NR5A2: variants seen among roughly 807,000 people sequenced by gnomAD.
The protein encoded by NR5A2 is nuclear receptor subfamily 5 group A member 2, also known as CYP7A promoter-binding factor.
NR5A2 carries 26 observed loss-of-function variants against 62.7 expected under a neutral mutation model. That is an observed-to-expected ratio of 0.41 (90% CI 0.30 to 0.58). The LOEUF (loss-of-function observed/expected upper bound fraction) is 0.58. NR5A2 is among the 20% of genes least tolerant of loss of function. The pLI, the probability that NR5A2 is intolerant of heterozygous loss-of-function variation, is 0.22. For synonymous variants in NR5A2, 246 were observed against 241.7 expected (o/e 1.02, Z -0.16); for missense variants, 541 against 669.1 (o/e 0.81, Z 2.11).
At chr1:200,068,813 T>TAGG (rs368918474) in intron 5 of NR5A2, among the ~76,000 whole-genome samples, 3 of 152,190 alleles carry the variant, frequency 2.0e-5, no homozygotes, top group South Asian at 2.1e-4. Context: ...TCATTTGGGC[T>TAGG]AGGAGGAGGT....
chr1:200,080,184 C>T (rs941453969), intron 5 of NR5A2, among the ~76,000 whole-genome samples: 33 of 152,074 alleles, frequency 2.2e-4, no homozygotes, highest in African/African-American at 7.7e-4. Flanking sequence ...TCAGGCAATG[C>T]TACCAAGAAA....
At chr1:200,144,272 G>C (rs375940418) in intron 7 of NR5A2, among the ~76,000 whole-genome samples, 455 of 121,464 alleles carry the variant, frequency 3.7e-3, no homozygotes, top group Middle Eastern at 0.034. Flanking sequence ...CACACACACA[G>C]AACAACACTC....
In NR5A2 at chr1:200,108,600, A is replaced by C. The variant is rs547023976; in HGVS notation, c.1111-2602A>C. On this transcript the variant is annotated intron_variant, in intron 5 of 7. Coordinates refer to ENST00000367362, the MANE Select transcript of NR5A2 (RefSeq NM_205860.3). ...TTGATGCAACATTAACATGTATGGTAATTGTTTCTGGGGAGCCAATTTCAA... is the reference window on the plus strand; with the variant it reads ...TTGATGCAACATTAACATGTATGGTCATTGTTTCTGGGGAGCCAATTTCAA... Among the ~76,000 whole-genome samples the C allele has an allele frequency of 1.5e-3, 235 of 152,282 alleles. 14 individuals are homozygous for C. Among genetic ancestry groups the C allele is most frequent in the Non-Finnish European group, 1.2e-3 (81 of 67,972 alleles).
chr1:200,048,531 G>A lies in NR5A2; in HGVS notation c.823G>A (p.Asp275Asn). ...PSRAIKSEYP[D>N]PYTSSPESIM... ...CCGGGCCATCAAGTCTGAGTACCCAGACCCCTATACCAGCTCACCCGAGTC... is the reference window on the plus strand; with the variant it reads ...CCGGGCCATCAAGTCTGAGTACCCAAACCCCTATACCAGCTCACCCGAGTC... Residue 275 changes from aspartate (D) to asparagine (N), a missense_variant, in exon 5 of 8, where the codon GAC becomes AAC. This residue lies in a region of NR5A2 where 379 missense variants were observed against 442.0 expected (regional missense o/e 0.86). Coordinates refer to ENST00000367362, the MANE Select transcript of NR5A2 (RefSeq NM_205860.3). This position sits in a 1 kb window ranked among gnomAD's most constrained non-coding sequence, Gnocchi z 4.8. 1 of 1,614,130 alleles carries A rather than the reference G, an allele frequency of 6.2e-7. No homozygotes were observed. Among genetic ancestry groups the A allele is most frequent in the Non-Finnish European group, 8.5e-7 (1 of 1,180,032 alleles).
At chr1:200,088,225 GTTGTTT>G (rs1664648292) in intron 5 of NR5A2, among the ~76,000 whole-genome samples, 1 of 149,388 alleles carries the variant, frequency 6.7e-6, no homozygotes, top group South Asian at 2.1e-4. Context: ...TTTTGTTGTT[GTTGTTT>G]TTGTTTTTGT....
chr1:200,117,175 T>A (rs893013036), intron 6 of NR5A2, among the ~76,000 whole-genome samples: 1 of 152,136 alleles, frequency 6.6e-6, no homozygotes, highest in Non-Finnish European at 1.5e-5. Flanking sequence ...GAGCAAAAAA[T>A]TAATTTTACT....
intron 7 of NR5A2, among the ~76,000 whole-genome samples, chr1:200,140,561 A>G (rs987938523): frequency 2.6e-5 from 4 of 152,104 alleles, no homozygotes; most frequent in Non-Finnish European, 5.9e-5. Context: ...TAAGCAGCAG[A>G]TGTCTATATT....
At chr1:200,101,416 G>T (rs1451542027) in intron 5 of NR5A2, among the ~76,000 whole-genome samples, 1 of 152,172 alleles carries the variant, frequency 6.6e-6, no homozygotes, top group Non-Finnish European at 1.5e-5. Flanking sequence ...TCAGGGGCTA[G>T]GTAGGCTATG....
chr1:200,156,957 G>C lies in NR5A2; in HGVS notation c.1379-17006G>C, dbSNP rs551271810. Among the ~76,000 whole-genome samples the C allele has an allele frequency of 1.1e-4, 16 of 152,164 alleles. No homozygotes were observed. In the South Asian group the frequency reaches 2.3e-3, roughly 22 times the overall value. ...CGTAAGTTGGAGCATCTATATTGCCGACATCTTAACAGAGCCGCTCTCTGT... is the reference window on the plus strand; with the variant it reads ...CGTAAGTTGGAGCATCTATATTGCCCACATCTTAACAGAGCCGCTCTCTGT... On this transcript the variant is annotated intron_variant, in intron 7 of 7. Transcript: ENST00000367362.
Position 200,048,083 on chromosome 1 carries a change from C to T in NR5A2, c.464-89C>T, listed in dbSNP as rs1662456084. ...CAACCACACACATACCACTTCTTGT[C>T]GATTTACATTTCTAAATATCTGAAG... is the stretch of plus-strand genomic sequence containing the variant. On this transcript the variant is annotated intron_variant, in intron 4 of 7. Transcript: ENST00000367362. This position sits in a 1 kb window ranked among gnomAD's most constrained non-coding sequence, Gnocchi z 4.8. The T allele has an allele frequency of 7.1e-6, 9 of 1,271,936 alleles. 1 individual carries two copies. Among genetic ancestry groups the T allele is most frequent in the South Asian group, 1.5e-5 (1 of 68,038 alleles). The allele number at this position is 1,271,936 out of a possible 1,614,324, so 78.8% of individuals were successfully genotyped here.
At chr1:200,130,298 AAGAAGAAGAAGAAGAAGAAGAAG>A (rs1335099624) in intron 7 of NR5A2, among the ~76,000 whole-genome samples, 4 of 76,216 alleles carry the variant, frequency 5.2e-5, no homozygotes, top group Admixed American at 1.6e-4. Context: ...GAAGAAGAAG[AAGAAGAAGAAGAAGAAGAAGAAG>A]AAAAAAAAAA....
At chr1:200,041,257 GT>G (rs1452882136) in intron 2 of NR5A2, among the ~76,000 whole-genome samples, 1 of 152,194 alleles carries the variant, frequency 6.6e-6, no homozygotes, top group Admixed American at 6.5e-5. Context: ...TATTGGTAAC[GT>G]TTTCTTTGGA....
rs555596859 is a variant in NR5A2 at position 200,065,345 on chromosome 1, T to C, written c.1110+16527T>C. 7.9e-5 allele frequency among the ~76,000 whole-genome samples: 12 copies of C among 152,132 alleles called. No individual in the cohort carries two copies. The South Asian group carries it at 2.1e-3, about 26-fold the overall frequency. On this transcript the variant is annotated intron_variant, in intron 5 of 7. Coordinates refer to ENST00000367362, the MANE Select transcript of NR5A2 (RefSeq NM_205860.3). ...TTTTAGGAGAGACAGGGTTTCACCA[T>C]GTTAGCCAGGCTGGTCTCTAACTCC...
chr1:200,151,501 C>T (rs776286782), intron 7 of NR5A2, among the ~76,000 whole-genome samples: 3 of 152,186 alleles, frequency 2.0e-5, no homozygotes, highest in South Asian at 2.1e-4. Context: ...TGCAAGAGCA[C>T]AACTTGTTAG....
At chr1:200,067,873 A>G (rs1434662159) in intron 5 of NR5A2, among the ~76,000 whole-genome samples, 1 of 152,218 alleles carries the variant, frequency 6.6e-6, no homozygotes, top group East Asian at 1.9e-4. Flanking sequence ...ATGGCTGAGA[A>G]CATTTAGTGC....
chr1:200,075,301 C>T (rs894877989), intron 5 of NR5A2, among the ~76,000 whole-genome samples: 11 of 152,040 alleles, frequency 7.2e-5, no homozygotes, highest in African/African-American at 2.7e-4. Context: ...AAAGGAAAGC[C>T]GCTTTGCAAA....
chr1:200,134,137 A>G (rs1471653819), intron 7 of NR5A2, among the ~76,000 whole-genome samples: 1 of 152,232 alleles, frequency 6.6e-6, no homozygotes, highest in Non-Finnish European at 1.5e-5. Flanking sequence ...AAAGAAATTG[A>G]AAAGTTTATA....
chr1:200,164,430 T>A (rs1289295612), intron 7 of NR5A2, among the ~76,000 whole-genome samples: 1 of 152,224 alleles, frequency 6.6e-6, no homozygotes, highest in Non-Finnish European at 1.5e-5. Context: ...GATTCATAGG[T>A]ATTCACTATA....
intron 3 of NR5A2, 137 bp from the exon 4 acceptor site, chr1:200,045,306 G>A (rs1363391902): frequency 1.3e-5 from 9 of 672,792 alleles, no homozygotes; most frequent in Non-Finnish European, 2.3e-6. Context: ...TTGCTGAAAT[G>A]TAAAATAAAC....
Sources: allele counts gnomAD v4.1 joint callset (sites outside exome capture counted in the v4.1 genomes callset), GRCh38; gene constraint gnomAD v4.1.1; regional missense constraint gnomAD v4.1.1; non-coding constraint Gnocchi (gnomAD v3.1); transcripts MANE v1.5; gene names NCBI Gene and HGNC (gene_info 2026-07-23, HGNC 2026-07-21).